Variants in XRCC5 observed in about 807,000 individuals in gnomAD.
XRCC5 encodes DNA repair protein Ku80.
A neutral mutation model predicts 95.7 loss-of-function variants in XRCC5; 12 were observed. The ratio of observed to expected loss-of-function variants is 0.13; its 90% CI spans 0.08 to 0.20. The LOEUF (loss-of-function observed/expected upper bound fraction) is 0.20, where lower values mean the gene tolerates loss of function less well. XRCC5 is among the 10% of genes least tolerant of loss of function. The pLI, the probability that XRCC5 is intolerant of heterozygous loss-of-function variation, is 1.00. For synonymous variants in XRCC5, 281 were observed against 290.3 expected (o/e 0.97, Z 0.33); for missense variants, 595 against 873.9 (o/e 0.68, Z 4.02).
chr2:216,192,092 G>A (rs528217205), intron 17 of XRCC5, among the ~76,000 whole-genome samples: 3 of 151,998 alleles, frequency 2.0e-5, no homozygotes, highest in South Asian at 4.2e-4. Context: ...TCCGCCTCCC[G>A]GGTTCAAGCA....
At chr2:216,116,593 G>T (rs1696702254) in intron 2 of XRCC5, 66 bp from the exon 3 acceptor site, 7 of 1,592,344 alleles carry the variant, frequency 4.4e-6, no homozygotes, top group Non-Finnish European at 6.0e-6. Flanking sequence ...CTCCCTGAAG[G>T]TTAGGTATTT....
chr2:216,167,463 G>C (rs547388946), intron 16 of XRCC5, among the ~76,000 whole-genome samples: 63 of 151,960 alleles, frequency 4.1e-4, no homozygotes, highest in Non-Finnish European at 7.4e-4. Flanking sequence ...TTGCATAGCT[G>C]TTTACTTACA....
chr2:216,117,687 G>C, intron 3 of XRCC5, 59 bp from the exon 4 acceptor site: 1 of 1,558,532 alleles, frequency 6.4e-7, no homozygotes, highest in East Asian at 2.2e-5. Flanking sequence ...TCATTGGAAA[G>C]AGTTGCGTGT....
intron 13 of XRCC5, among the ~76,000 whole-genome samples, chr2:216,144,592 C>T (rs1245080205): frequency 6.6e-6 from 1 of 152,180 alleles, no homozygotes; most frequent in Non-Finnish European, 1.5e-5. Context: ...AAGATGATGT[C>T]ACCATTCAAT....
intron 14 of XRCC5, among the ~76,000 whole-genome samples, chr2:216,157,695 CAT>C (rs1332455126): frequency 6.6e-6 from 1 of 152,124 alleles, no homozygotes; most frequent in Non-Finnish European, 1.5e-5. Context: ...ATATATAGTA[CAT>C]ATTCAGTAAA....
chr2:216,185,887 G>A (rs7560598), intron 16 of XRCC5, among the ~76,000 whole-genome samples: 110,161 of 152,102 alleles, frequency 0.72, 41,412 homozygotes, highest in East Asian at 0.95. Context: ...GGCCTCCCAA[G>A]GTGCTAGGGT....
chr2:216,201,088 A>G (rs1371911078), intron 19 of XRCC5, among the ~76,000 whole-genome samples: 2 of 152,220 alleles, frequency 1.3e-5, no homozygotes, highest in African/African-American at 4.8e-5. Flanking sequence ...GAGCGAAATT[A>G]GTTATGAAAA....
At chr2:216,159,017 C>G (rs779720247) in intron 14 of XRCC5, among the ~76,000 whole-genome samples, 2 of 152,090 alleles carry the variant, frequency 1.3e-5, no homozygotes, top group African/African-American at 4.8e-5. Context: ...TAACTGTTCT[C>G]ATAATAAAAT....
At chr2:216,110,015 C>G (rs1230208289) in intron 1 of XRCC5, among the ~76,000 whole-genome samples, 1 of 152,202 alleles carries the variant, frequency 6.6e-6, no homozygotes, top group Non-Finnish European at 1.5e-5. Flanking sequence ...GGATCTAAAC[C>G]TTTTATTCTT....
chr2:216,182,657 C>T (rs535399298), intron 16 of XRCC5, among the ~76,000 whole-genome samples: 1 of 152,268 alleles, frequency 6.6e-6, no homozygotes, highest in African/African-American at 2.4e-5. Flanking sequence ...ATATCATTTC[C>T]TCATTTAATT....
intron 19 of XRCC5, 25 bp from the exon 20 acceptor site, chr2:216,204,297 A>G (rs374239611): frequency 7.4e-6 from 12 of 1,613,246 alleles, no homozygotes; most frequent in African/African-American, 5.3e-5. Flanking sequence ...TCATTTTGGT[A>G]TGATAACTGA....
intron 19 of XRCC5, among the ~76,000 whole-genome samples, chr2:216,199,943 CCTT>C (rs1689805629): frequency 6.7e-6 from 1 of 150,294 alleles, no homozygotes; most frequent in African/African-American, 2.5e-5. Context: ...CCTAATTTAT[CCTT>C]CTTTATTGTT....
intron 16 of XRCC5, among the ~76,000 whole-genome samples, chr2:216,173,328 C>G (rs982860912): frequency 6.6e-6 from 1 of 152,046 alleles, no homozygotes; most frequent in African/African-American, 2.4e-5. Context: ...TTGTCTTTCA[C>G]TATTAGTATG....
At chr2:216,157,661 G>A (rs1688872601) in intron 14 of XRCC5, among the ~76,000 whole-genome samples, 1 of 152,134 alleles carries the variant, frequency 6.6e-6, no homozygotes, top group Non-Finnish European at 1.5e-5. Flanking sequence ...TATATTGAGA[G>A]TTTAGAGTCT....
intron 15 of XRCC5, 93 bp from the exon 16 acceptor site, chr2:216,161,886 G>A (rs1688958947): frequency 2.0e-6 from 2 of 1,007,600 alleles, no homozygotes; most frequent in Middle Eastern, 4.2e-4. Context: ...TTTTATAAGA[G>A]CACACTTATT....
intron 16 of XRCC5, among the ~76,000 whole-genome samples, chr2:216,177,199 A>G (rs1689293502): frequency 6.6e-6 from 1 of 152,142 alleles, no homozygotes; most frequent in Non-Finnish European, 1.5e-5. Context: ...TGGAAATGTC[A>G]GGGCAATTTG....
intron 6 of XRCC5, among the ~76,000 whole-genome samples, chr2:216,122,639 A>G (rs1339993523): frequency 6.6e-6 from 1 of 151,930 alleles, no homozygotes; most frequent in Non-Finnish European, 1.5e-5. Flanking sequence ...AAGTGGTCTC[A>G]GATCTGAGAT....
At position 216,204,409 on chromosome 2, in the gene XRCC5, A is replaced by G. The variant is rs372457388; in HGVS notation, c.2184+13A>G. On this transcript the variant is annotated intron_variant, in intron 20 of 20. Coordinates refer to ENST00000392132, the MANE Select transcript of XRCC5 (RefSeq NM_021141.4). Reference sequence around the variant, plus strand: ...TGTGGACGATTTAGTAAGTACTTTTAATATGCACCTGGTGTTCTATGATTG... The same window carrying G: ...TGTGGACGATTTAGTAAGTACTTTTGATATGCACCTGGTGTTCTATGATTG... 1.5e-5 allele frequency: 25 copies of G among 1,613,716 alleles called. No individual in the cohort carries two copies. In the South Asian group the frequency reaches 2.6e-4, roughly 17 times the overall value.
chr2:216,187,861 T>TCTCTCTCTCTCTCCCCCC (rs143232624), intron 16 of XRCC5, among the ~76,000 whole-genome samples: 28 of 116,270 alleles, frequency 2.4e-4, no homozygotes, highest in African/African-American at 1.0e-3. Flanking sequence ...TCTCTCTCTC[T>TCTCTCTCTCTCTCCCCCC]CCCCGTCTCC....
Sources: gnomAD v4.1 joint callset for allele counts (sites outside exome capture counted in the v4.1 genomes callset) on GRCh38, gnomAD v4.1.1 for gene constraint, MANE v1.5 for transcripts, NCBI Gene and HGNC (gene_info 2026-07-23, HGNC 2026-07-21) for gene names.